The following NCS1 variants were observed in gnomAD, a reference collection of about 807,000 sequenced individuals.
NCS1 encodes neuronal calcium sensor 1.
In NCS1, 6 loss-of-function variants were observed where a neutral mutation model predicts 28.4. That is an observed-to-expected ratio of 0.21 (90% CI 0.12 to 0.42). NCS1 has a LOEUF of 0.42. Among genes scored for constraint, NCS1 ranks in the 10% least tolerant of loss-of-function variants. The pLI is 1.00. For synonymous variants in NCS1, 86 were observed against 99.3 expected, an observed-to-expected ratio of 0.87 and a Z score of 0.79; for missense variants, 131 against 241.4, an observed-to-expected ratio of 0.54 and a Z score of 3.03.
chr9:130,208,519 C>T (rs1833061551), intron 2 of NCS1, among the ~76,000 whole-genome samples: 1 of 152,112 alleles, frequency 6.6e-6, no homozygotes, highest in African/African-American at 2.4e-5. Context: ...TCAGGAAATG[C>T]CCACCTCGGC....
At chr9:130,223,578 A>G (rs551175176) in intron 6 of NCS1, among the ~76,000 whole-genome samples, 4 of 152,308 alleles carry the variant, frequency 2.6e-5, no homozygotes, top group East Asian at 1.9e-4. Flanking sequence ...TTCTTAACGC[A>G]TTCACTAAGA....
Position 130,174,203 on chromosome 9 carries a change from C to T in NCS1, c.64+1476C>T, listed in dbSNP as rs139581606. Among the ~76,000 whole-genome samples, 318 of 152,218 alleles carry T rather than the reference C, an allele frequency of 2.1e-3. 1 individual carries two copies. Among genetic ancestry groups the T allele is most frequent in the African/African-American group, 6.5e-3 (270 of 41,522 alleles). On this transcript the variant is annotated intron_variant, in intron 1 of 7. Transcript: ENST00000372398. ...AGGTGGACTTCCTGGGTCCCTGTGC[C>T]GGGGGAGGGTGAGGACACCGTGGGC...
intron 2 of NCS1, among the ~76,000 whole-genome samples, chr9:130,203,649 A>AG (rs1554907719): frequency 6.6e-6 from 1 of 152,126 alleles, no homozygotes; most frequent in East Asian, 1.9e-4. Context: ...GGGGCTAAGG[A>AG]GGGGACACCA....
chr9:130,179,298 T>A (rs1252627210), intron 1 of NCS1, among the ~76,000 whole-genome samples: 2 of 152,182 alleles, frequency 1.3e-5, no homozygotes, highest in African/African-American at 2.4e-5. Flanking sequence ...TAAAAAAACC[T>A]GACCATTCTG....
rs146810842 is a variant in NCS1, at chr9:130,180,007, C to G, written c.64+7280C>G. Among the ~76,000 whole-genome samples the G allele has an allele frequency of 2.6e-5, 1 of 38,382 alleles. No homozygotes were observed. The highest frequency in any genetic ancestry group is 5.3e-5 in the Non-Finnish European group (1 of 19,030). 25.2% of individuals were successfully genotyped at this position (38,382 alleles called of 152,430 possible). A position where few individuals can be genotyped will look rare whatever the true frequency, so the allele number is the denominator to read the frequency against. On this transcript the variant is annotated intron_variant, in intron 1 of 7. Coordinates refer to ENST00000372398, the MANE Select transcript of NCS1 (RefSeq NM_014286.4). This position sits in a 1 kb window ranked among gnomAD's most constrained non-coding sequence, Gnocchi z 4.5. ...TCTTGCCTTCTTTTTATCTATCTAT[C>G]TATCTATCTATCTATCTATCTATCT...
At chr9:130,228,083 C>T (rs1833442839) in intron 7 of NCS1, among the ~76,000 whole-genome samples, 1 of 152,186 alleles carries the variant, frequency 6.6e-6, no homozygotes, top group Non-Finnish European at 1.5e-5. Context: ...GCCGGCTTCC[C>T]TCAGAGCTTT....
chr9:130,205,031 G>A (rs781505060), intron 2 of NCS1, among the ~76,000 whole-genome samples: 11 of 152,042 alleles, frequency 7.2e-5, no homozygotes, highest in South Asian at 4.2e-4. Context: ...AGTACAAAGC[G>A]GGGTCACTGT....
rs1269087782 is a variant in NCS1 at position 130,215,128 on chromosome 9, C to G, written c.90-2704C>G. Among the ~76,000 whole-genome samples the G allele has an allele frequency of 6.6e-6, 1 of 152,228 alleles. No individual in the cohort carries two copies. The highest frequency in any genetic ancestry group is 1.5e-5 in the Non-Finnish European group (1 of 68,044). On this transcript the variant is annotated intron_variant, in intron 2 of 7. Transcript: ENST00000372398. This position sits in a 1 kb window ranked among gnomAD's most constrained non-coding sequence, Gnocchi z 4.2. ...GAAGGTTTGCACGAAGAAGAAGTAA[C>G]CATCTGACATCCAGAGATGTCTGGT...
chr9:130,176,115 C>T (rs572657385), intron 1 of NCS1, among the ~76,000 whole-genome samples: 6 of 147,288 alleles, frequency 4.1e-5, no homozygotes, highest in African/African-American at 1.2e-4. Context: ...TGCCAGTGAT[C>T]GTAATTAATG....
chr9:130,217,913 G>A lies in NCS1; in HGVS notation c.171G>A (p.Pro57=), dbSNP rs190718593. 98 of 1,614,168 alleles carry A rather than the reference G, an allele frequency of 6.1e-5. No homozygotes were observed. The highest frequency in any genetic ancestry group is 7.0e-5 in the Non-Finnish European group (83 of 1,180,026). The change falls in exon 3 of 8, where the codon CCG becomes CCA. Residue 57 remains proline, a synonymous_variant. Transcript: ENST00000372398. ...GFQKIYKQFF[P]FGDPTKFATF... Reference sequence around the variant, plus strand: ...AGAAGATCTACAAGCAATTCTTCCCGTTCGGAGACCCCACCAAGTTTGCCA... The same window carrying A: ...AGAAGATCTACAAGCAATTCTTCCCATTCGGAGACCCCACCAAGTTTGCCA...
At chr9:130,187,610 A>G (rs182276324) in intron 1 of NCS1, among the ~76,000 whole-genome samples, 1 of 152,284 alleles carries the variant, frequency 6.6e-6, no homozygotes, top group East Asian at 1.9e-4. Flanking sequence ...GATCCACTGC[A>G]TTCTGGGAGG....
At chr9:130,200,520 CCA>C in intron 1 of NCS1, 1 of 1,535,988 alleles carries the variant, frequency 6.5e-7, no homozygotes, top group Non-Finnish European at 8.8e-7. Flanking sequence ...CTAGCTCCCC[CCA>C]CCCCCCCACA....
At position 130,172,441 on chromosome 9, in the gene NCS1, C is replaced by CCGGCGCCCAGCCCAGGCAGCCCCGCGCCG. The variant is rs1832491311; in HGVS notation, c.-214_-186dup. ...CGACCGCGGCCACACCGCGCCGGCG[C>CCGGCGCCCAGCCCAGGCAGCCCCGCGCCG]CGGCGCCCAGCCCAGGCAGCCCCGC... On this transcript the variant is annotated 5_prime_UTR_variant, in exon 1 of 8. Transcript: ENST00000372398. 6.9e-6 allele frequency: 1 copy of CCGGCGCCCAGCCCAGGCAGCCCCGCGCCG among 145,320 alleles called. No homozygotes were observed. Among genetic ancestry groups the CCGGCGCCCAGCCCAGGCAGCCCCGCGCCG allele is most frequent in the Non-Finnish European group, 1.5e-5 (1 of 65,496 alleles). 9.0% of individuals were successfully genotyped at this position (145,320 alleles called of 1,614,324 possible).
At chr9:130,230,086 C>T (rs1243436149) in intron 7 of NCS1, among the ~76,000 whole-genome samples, 1 of 152,212 alleles carries the variant, frequency 6.6e-6, no homozygotes, top group Non-Finnish European at 1.5e-5. Flanking sequence ...CGCACTGGCT[C>T]ATGCCAGTAA....
chr9:130,208,792 G>A (rs933449029), intron 2 of NCS1, among the ~76,000 whole-genome samples: 9 of 152,112 alleles, frequency 5.9e-5, no homozygotes, highest in African/African-American at 1.2e-4. Flanking sequence ...GGTGCCGTGC[G>A]GAGAATACGA....
chr9:130,231,932 G>A (rs768225968), intron 7 of NCS1, among the ~76,000 whole-genome samples: 34 of 151,328 alleles, frequency 2.2e-4, no homozygotes, highest in Non-Finnish European at 4.1e-4. Context: ...GCCTCACTGT[G>A]GTTTTTTGTT....
At chr9:130,214,776 A>G (rs904640924) in intron 2 of NCS1, among the ~76,000 whole-genome samples, 2 of 152,148 alleles carry the variant, frequency 1.3e-5, no homozygotes, top group Non-Finnish European at 2.9e-5. Flanking sequence ...GCACCCTCTC[A>G]TGGACATCAC....
intron 1 of NCS1, chr9:130,200,684 TG>T (rs1231110663): frequency 1.9e-6 from 3 of 1,548,648 alleles, no homozygotes; most frequent in Admixed American, 3.9e-5. Context: ...AGGGCGTTCC[TG>T]GGGGCTCTCC....
At chr9:130,183,743 CCTT>C (rs1554905386) in intron 1 of NCS1, among the ~76,000 whole-genome samples, 1 of 142,472 alleles carries the variant, frequency 7.0e-6, no homozygotes, top group African/African-American at 2.5e-5. Flanking sequence ...TCTCTTCCTT[CCTT>C]CTTTCTCTTT....
Sources: gnomAD v4.1 joint callset for allele counts (sites outside exome capture counted in the v4.1 genomes callset) on GRCh38, gnomAD v4.1.1 for gene constraint, Gnocchi (gnomAD v3.1) non-coding constraint, MANE v1.5 for transcripts, NCBI Gene and HGNC (gene_info 2026-07-23, HGNC 2026-07-21) for gene names.